The following PTPRD variants were observed in gnomAD, a reference collection of about 807,000 sequenced individuals.
The protein encoded by PTPRD is protein tyrosine phosphatase receptor type D, also known as receptor-type tyrosine-protein phosphatase delta.
PTPRD carries 34 observed loss-of-function variants against 214.5 expected under a neutral mutation model. The ratio of observed to expected loss-of-function variants is 0.16; its 90% CI spans 0.12 to 0.21. PTPRD has a LOEUF of 0.21. PTPRD is among the 10% of genes least tolerant of loss of function. The pLI is 1.00. For missense variants in PTPRD, 2,545 were observed against 2,398.7 expected (o/e 1.06, Z -1.27); for synonymous variants, 1,128 against 845.7 (o/e 1.33, Z -5.79).
intron 5 of PTPRD, among the ~76,000 whole-genome samples, chr9:9,908,108 G>C (rs2078121689): frequency 6.6e-6 from 1 of 150,562 alleles, no homozygotes; most frequent in South Asian, 2.1e-4. Context: ...ATAGAAATGA[G>C]AAAATAAAAT....
intron 21 of PTPRD, among the ~76,000 whole-genome samples, chr9:8,512,863 T>C (rs2097709158): frequency 6.6e-6 from 1 of 152,032 alleles, no homozygotes; most frequent in Admixed American, 6.5e-5. Context: ...CAACATTTAA[T>C]GCATTAGGTT....
At chr9:9,605,051 T>C (rs1201993840) in intron 7 of PTPRD, among the ~76,000 whole-genome samples, 2 of 152,048 alleles carry the variant, frequency 1.3e-5, no homozygotes, top group Non-Finnish European at 2.9e-5. Context: ...CTTTTTAATC[T>C]ATTTGAATGG....
Position 9,450,950 on chromosome 9 carries a change from TACAC to T in PTPRD, c.-236-53472_-236-53469del, listed in dbSNP as rs145703989. On this transcript the variant is annotated intron_variant, in intron 8 of 45. Transcript: ENST00000381196. ...ACATCTAAGTAAATACATACATACATACACACACACACACACACACACACACACA... is the reference window on the plus strand; with the variant it reads ...ACATCTAAGTAAATACATACATACATACACACACACACACACACACACACA... Among the ~76,000 whole-genome samples the T allele has an allele frequency of 2.7e-3, 364 of 136,680 alleles. 3 individuals carry two copies. The highest frequency in any genetic ancestry group is 0.019 in the East Asian group (87 of 4,614). 89.7% of individuals were successfully genotyped at this position (136,680 alleles called of 152,430 possible).
chr9:8,804,576 T>C (rs1032339277), intron 11 of PTPRD, among the ~76,000 whole-genome samples: 14 of 152,048 alleles, frequency 9.2e-5, no homozygotes, highest in East Asian at 3.9e-4. Context: ...CAGTCCCGTG[T>C]GACAGAGAGA....
intron 4 of PTPRD, among the ~76,000 whole-genome samples, chr9:9,946,877 T>C (rs2092634111): frequency 6.6e-6 from 1 of 152,102 alleles, no homozygotes; most frequent in Non-Finnish European, 1.5e-5. Flanking sequence ...AAGTGCAATA[T>C]TATGTGAAGC....
intron 2 of PTPRD, among the ~76,000 whole-genome samples, chr9:10,442,274 G>C (rs1252573531): frequency 1.3e-5 from 2 of 151,564 alleles, no homozygotes; most frequent in Admixed American, 6.6e-5. Context: ...TTTGGTATGA[G>C]AACAAATCTG....
At chr9:8,465,444 G>C in intron 32 of PTPRD, 22 bp downstream of exon 32, 1 of 1,600,590 alleles carries the variant, frequency 6.2e-7, no homozygotes, top group Non-Finnish European at 8.6e-7. Flanking sequence ...ATAGGAAACA[G>C]ATGCCATCAT....
intron 2 of PTPRD, among the ~76,000 whole-genome samples, chr9:10,361,575 A>G (rs2097393351): frequency 6.6e-6 from 1 of 152,186 alleles, no homozygotes; most frequent in East Asian, 1.9e-4. Context: ...CGAAATAAGC[A>G]TTCAAAATGC....
chr9:8,626,607 T>A (rs528401372), intron 14 of PTPRD, among the ~76,000 whole-genome samples: 1 of 151,944 alleles, frequency 6.6e-6, no homozygotes, highest in African/African-American at 2.4e-5. Context: ...CAAAGCAGAT[T>A]GCCCTCCCTA....
intron 9 of PTPRD, among the ~76,000 whole-genome samples, chr9:9,380,830 G>C (rs2062013674): frequency 6.6e-6 from 1 of 152,012 alleles, no homozygotes; most frequent in Non-Finnish European, 1.5e-5. Context: ...AATTCTATCA[G>C]TTTCTGCCTC....
At chr9:9,911,442 C>A (rs2079152769) in intron 5 of PTPRD, among the ~76,000 whole-genome samples, 1 of 147,640 alleles carries the variant, frequency 6.8e-6, no homozygotes, top group Non-Finnish European at 1.5e-5. Flanking sequence ...TACACACGAA[C>A]CTCATGTCAG....
At chr9:9,219,053 C>T (rs2099954152) in intron 9 of PTPRD, among the ~76,000 whole-genome samples, 1 of 152,254 alleles carries the variant, frequency 6.6e-6, no homozygotes, top group South Asian at 2.1e-4. Context: ...AACAAAGTCT[C>T]TTTTCACATC....
intron 2 of PTPRD, among the ~76,000 whole-genome samples, chr9:10,457,016 T>C (rs1242280013): frequency 1.3e-5 from 2 of 151,922 alleles, no homozygotes; most frequent in Non-Finnish European, 2.9e-5. Flanking sequence ...TAGCTCCAAT[T>C]TCTTGAGACT....
chr9:9,784,305 G>A (rs1215374610), intron 5 of PTPRD, among the ~76,000 whole-genome samples: 1 of 151,824 alleles, frequency 6.6e-6, no homozygotes, highest in Non-Finnish European at 1.5e-5. Flanking sequence ...AATTTACTAT[G>A]GAAAATTTTA....
chr9:9,026,797 C>T (rs1303574305), intron 10 of PTPRD, among the ~76,000 whole-genome samples: 1 of 151,812 alleles, frequency 6.6e-6, no homozygotes, highest in Non-Finnish European at 1.5e-5. Context: ...TTAACAAACA[C>T]CTTTATAGCT....
In PTPRD at chr9:8,507,402, G is replaced by T. The variant is rs1294518613; in HGVS notation, c.1576C>A (p.Pro526Thr). 2.5e-6 allele frequency: 4 copies of T among 1,613,860 alleles called. No individual in the cohort carries two copies. The highest frequency in any genetic ancestry group is 2.7e-5 in the African/African-American group (2 of 74,916). Residue 526 changes from proline (P) to threonine (T), a missense_variant, in exon 22 of 46, where the codon CCT (proline) becomes ACT (threonine). Pro to Thr is a conservative substitution (Grantham distance 38). Transcript: ENST00000381196. Reference protein sequence around the residue: ...PGQPLNFKAEPESETSILLSW... With the variant: ...PGQPLNFKAETESETSILLSW... ...AGCAAAATACTTGTTTCAGACTCAG[G>T]TTCTGCTTTGAAGTTTAGTGGCTGC...
intron 8 of PTPRD, among the ~76,000 whole-genome samples, chr9:9,426,747 G>C (rs996408765): frequency 3.9e-5 from 6 of 152,216 alleles, no homozygotes; most frequent in African/African-American, 7.2e-5. Flanking sequence ...TTGCCGTTCT[G>C]CAATATTCAC....
intron 11 of PTPRD, among the ~76,000 whole-genome samples, chr9:8,809,208 CATA>C (rs1296569418): frequency 6.6e-6 from 1 of 152,098 alleles, no homozygotes; most frequent in Non-Finnish European, 1.5e-5. Context: ...TAAAATGTCA[CATA>C]ATGTTTTGTA....
chr9:9,818,327 G>A (rs909721446), intron 5 of PTPRD, among the ~76,000 whole-genome samples: 27 of 152,058 alleles, frequency 1.8e-4, no homozygotes, highest in Non-Finnish European at 8.8e-5. Flanking sequence ...TGGTGAGGGA[G>A]GTAAGCCTTT....
Sources: gnomAD v4.1 joint callset for allele counts (sites outside exome capture counted in the v4.1 genomes callset) on GRCh38, gnomAD v4.1.1 for gene constraint, MANE v1.5 for transcripts, NCBI Gene and HGNC (gene_info 2026-07-23, HGNC 2026-07-21) for gene names.